The following ASIC2 variants were observed in gnomAD, a reference collection of about 807,000 sequenced individuals.
ASIC2 encodes the protein acid sensing ion channel subunit 2.
In ASIC2, 25 loss-of-function variants were observed where a neutral mutation model predicts 57.3. The observed-to-expected ratio is 0.44, with a 90% CI of 0.32 to 0.61. The LOEUF (loss-of-function observed/expected upper bound fraction) is 0.61. Ranked by LOEUF, ASIC2 falls within the 20% of genes least tolerant of loss-of-function variation. ASIC2 has a pLI of 0.06. For synonymous variants in ASIC2, 319 were observed against 307.5 expected (o/e 1.04, Z -0.39); for missense variants, 641 against 738.1 (o/e 0.87, Z 1.52).
chr17:33,857,300 G>C (rs910961726), intron 1 of ASIC2, among the ~76,000 whole-genome samples: 1 of 152,176 alleles, frequency 6.6e-6, no homozygotes, highest in Admixed American at 6.6e-5. Flanking sequence ...TGTAGGAATA[G>C]CTCTCAATGT....
intron 1 of ASIC2, among the ~76,000 whole-genome samples, chr17:33,230,962 A>G (rs1358151803): frequency 6.6e-6 from 1 of 152,218 alleles, no homozygotes; most frequent in Admixed American, 6.5e-5. Flanking sequence ...TTGCAGGAAT[A>G]TATCTCTTGT....
At chr17:33,344,340 C>T (rs1312830555) in intron 1 of ASIC2, among the ~76,000 whole-genome samples, 1 of 152,172 alleles carries the variant, frequency 6.6e-6, no homozygotes, top group Non-Finnish European at 1.5e-5. Context: ...AATGAAGACT[C>T]TTCCTGCAGC....
chr17:33,871,938 T>C (rs1335587583), intron 1 of ASIC2, among the ~76,000 whole-genome samples: 1 of 151,996 alleles, frequency 6.6e-6, no homozygotes, highest in Admixed American at 6.6e-5. Flanking sequence ...AGAGAGAGCT[T>C]GGACCTCAGA....
At chr17:33,703,145 G>C (rs979069593) in intron 1 of ASIC2, among the ~76,000 whole-genome samples, 1 of 152,150 alleles carries the variant, frequency 6.6e-6, no homozygotes, top group African/African-American at 2.4e-5. Flanking sequence ...AAGTTCCTTT[G>C]GTTTGTTTGA....
intron 1 of ASIC2, among the ~76,000 whole-genome samples, chr17:33,452,738 G>GTGT (rs1912298570): frequency 2.8e-5 from 4 of 140,408 alleles, no homozygotes; most frequent in African/African-American, 5.4e-5. Context: ...AACAGAGTGG[G>GTGT]GTGTGTGTGT....
Position 33,694,986 on chromosome 17 carries a change from A to T in ASIC2, c.555+460992T>A, listed in dbSNP as rs550864181. ...TACTGACGGATGTGTCACTTTGTTT[A>T]AATTCTTAACAGAAGGAATATGGTT... On this transcript the variant is annotated intron_variant, in intron 1 of 9. Transcript: ENST00000359872. Among the ~76,000 whole-genome samples, 6 of 152,318 alleles carry T rather than the reference A, an allele frequency of 3.9e-5. No homozygotes were observed. In the Middle Eastern group the frequency reaches 0.01, roughly 259 times the overall value.
intron 3 of ASIC2, among the ~76,000 whole-genome samples, chr17:33,050,091 A>G (rs1435632593): frequency 2.6e-5 from 4 of 152,306 alleles, no homozygotes; most frequent in Admixed American, 6.5e-5. Context: ...GAAGACCTCA[A>G]CGGAAGACCT....
chr17:33,032,446 T>TTTTG (rs2091887786), intron 3 of ASIC2, among the ~76,000 whole-genome samples: 1 of 55,972 alleles, frequency 1.8e-5, no homozygotes, highest in Admixed American at 3.2e-4. Flanking sequence ...CACTGTTTTT[T>TTTTG]TTTTTTTTTT....
At chr17:33,530,937 C>T (rs891339324) in intron 1 of ASIC2, among the ~76,000 whole-genome samples, 7 of 152,130 alleles carry the variant, frequency 4.6e-5, no homozygotes, top group African/African-American at 1.7e-4. Context: ...TAGACAAGAA[C>T]TTGCTGAGTT....
chr17:33,442,917 T>C (rs1464875697), intron 1 of ASIC2, among the ~76,000 whole-genome samples: 3 of 152,248 alleles, frequency 2.0e-5, no homozygotes, highest in African/African-American at 4.8e-5. Context: ...AGGGTTTTCA[T>C]AGATGTCTTT....
intron 1 of ASIC2, among the ~76,000 whole-genome samples, chr17:33,346,326 G>C (rs17184727): frequency 0.051 from 7,674 of 151,642 alleles, 287 homozygotes; most frequent in Non-Finnish European, 0.069. Context: ...AGAATCAAGA[G>C]CCTTTGGTGA....
At chr17:34,011,095 A>G (rs202126315) in intron 1 of ASIC2, among the ~76,000 whole-genome samples, 57 of 3,338 alleles carry the variant, frequency 0.017, no homozygotes, top group South Asian at 0.029. Flanking sequence ...GCACACACAC[A>G]CACAGACACA....
chr17:34,058,722 A>C (rs184394455), intron 1 of ASIC2, among the ~76,000 whole-genome samples: 1 of 152,166 alleles, frequency 6.6e-6, no homozygotes, highest in African/African-American at 2.4e-5. Flanking sequence ...GTGGGAATGC[A>C]GATACTTAAG....
chr17:34,112,341 C>CA (rs956637024), intron 1 of ASIC2, among the ~76,000 whole-genome samples: 2 of 149,410 alleles, frequency 1.3e-5, no homozygotes, highest in Non-Finnish European at 1.5e-5. Flanking sequence ...AATTCAATAA[C>CA]AAAAAAAGAC....
chr17:33,269,248 T>C (rs1347536952), intron 1 of ASIC2, among the ~76,000 whole-genome samples: 1 of 152,216 alleles, frequency 6.6e-6, no homozygotes, highest in Non-Finnish European at 1.5e-5. Flanking sequence ...TCACACATGA[T>C]GGAGGCTTGC....
chr17:33,861,716 A>G (rs1330871562), intron 1 of ASIC2, among the ~76,000 whole-genome samples: 2 of 152,182 alleles, frequency 1.3e-5, no homozygotes, highest in Non-Finnish European at 2.9e-5. Context: ...ATTTTCCACA[A>G]TTGTTTTGGT....
chr17:33,322,595 G>C (rs1178171392), intron 1 of ASIC2, among the ~76,000 whole-genome samples: 1 of 152,140 alleles, frequency 6.6e-6, no homozygotes, highest in Non-Finnish European at 1.5e-5. Flanking sequence ...ATAATTTTCT[G>C]AAAGCCTACC....
At chr17:33,123,163 T>C (rs1234378931) in intron 1 of ASIC2, among the ~76,000 whole-genome samples, 1 of 152,208 alleles carries the variant, frequency 6.6e-6, no homozygotes, top group Non-Finnish European at 1.5e-5. Flanking sequence ...GGAATTAAAA[T>C]CAATATGCTG....
intron 1 of ASIC2, among the ~76,000 whole-genome samples, chr17:33,822,249 G>A (rs8080437): frequency 1.3e-5 from 2 of 152,100 alleles, no homozygotes; most frequent in African/African-American, 4.8e-5. Flanking sequence ...TGCCTCTCAT[G>A]TAGGTACAAA....
Sources: gnomAD v4.1 joint callset for allele counts (sites outside exome capture counted in the v4.1 genomes callset) on GRCh38, gnomAD v4.1.1 for gene constraint, MANE v1.5 for transcripts, NCBI Gene and HGNC (gene_info 2026-07-23, HGNC 2026-07-21) for gene names.